The following UGT2B10 variants were observed in gnomAD, a reference collection of about 807,000 sequenced individuals.
UGT2B10 encodes UDP-glucuronosyltransferase 2B10.
Under a neutral mutation model 43.7 loss-of-function variants are expected in UGT2B10, and 51 were observed. The observed-to-expected ratio is 1.17, with a 90% CI of 0.93 to 1.47. The LOEUF is 1.47. Among genes scored for constraint, UGT2B10 ranks in the 40% most tolerant of loss-of-function variants. The probability of loss-of-function intolerance (pLI) is 0.00; values close to 1 mark genes in which losing one functional copy is unlikely to be tolerated. For missense variants in UGT2B10, 696 were observed against 617.7 expected (o/e 1.13, Z -1.34); for synonymous variants, 225 against 209.0 (o/e 1.08, Z -0.66).
chr4:68,826,317 C>T, intron 3 of UGT2B10, 93 bp from the exon 4 acceptor site: 1 of 1,338,082 alleles, frequency 7.5e-7, no homozygotes, highest in Non-Finnish European at 1.0e-6. Context: ...TTACTAACAT[C>T]CCTTGATTTC....
rs376022598 is a variant in UGT2B10 at position 68,830,905 on chromosome 4, A to G, written c.*26A>G. On this transcript the variant is annotated 3_prime_UTR_variant, in exon 6 of 6. Transcript: ENST00000265403. ...TTATATCTGAGATTTGAAGCTGGAA[A>G]ACCTGATAGATAGGAATACTTCAGT... is the stretch of plus-strand genomic sequence containing the variant. 22 of 1,606,500 alleles carry G rather than the reference A, an allele frequency of 1.4e-5. No individual in the cohort carries two copies. The highest frequency in any genetic ancestry group is 1.8e-5 in the Non-Finnish European group (21 of 1,176,390).
Position 68,827,558 on chromosome 4 carries a change from A to G in UGT2B10, c.1307+10A>G. 1.2e-6 allele frequency: 2 copies of G among 1,612,994 alleles called. No homozygotes were observed. The highest frequency in any genetic ancestry group is 1.7e-6 in the Non-Finnish European group (2 of 1,179,216). ...TAATTAATGATCCTTCGTGAGTAGA[A>G]CAATATTTTTCACTAGATGGTATTA... On this transcript the variant is annotated intron_variant, in intron 5 of 5. Coordinates refer to ENST00000265403, the MANE Select transcript of UGT2B10 (RefSeq NM_001075.6).
chr4:68,825,577 G>C (rs929287780), intron 3 of UGT2B10, among the ~76,000 whole-genome samples: 6 of 152,044 alleles, frequency 3.9e-5, no homozygotes, highest in African/African-American at 1.4e-4. Context: ...ACTCATAAGT[G>C]AGGACTTGTT....
At chr4:68,818,534 G>GT (rs1254271997) in intron 2 of UGT2B10, among the ~76,000 whole-genome samples, 1 of 151,750 alleles carries the variant, frequency 6.6e-6, no homozygotes, top group Non-Finnish European at 1.5e-5. Flanking sequence ...AATAGACACA[G>GT]TTTCTGTCCC....
Position 68,831,059 on chromosome 4 carries a change from A to C in UGT2B10, c.*180A>C. ...ATTTACCACCCAGTTAATGGTTAGA[A>C]ATATTCTGTGGCAATGAAGAAAACA... is the stretch of plus-strand genomic sequence containing the variant. On this transcript the variant is annotated 3_prime_UTR_variant, in exon 6 of 6. Coordinates refer to ENST00000265403, the MANE Select transcript of UGT2B10 (RefSeq NM_001075.6). The C allele has an allele frequency of 1.3e-6, 1 of 765,312 alleles. No individual in the cohort carries two copies. The highest frequency in any genetic ancestry group is 2.1e-6 in the Non-Finnish European group (1 of 486,704). The allele number at this position is 765,312 out of a possible 1,614,324, so 47.4% of individuals were successfully genotyped here. A position where few individuals can be genotyped will look rare whatever the true frequency, so the allele number is the denominator to read the frequency against.
chr4:68,818,026 C>T lies in UGT2B10; in HGVS notation c.719-3C>T, dbSNP rs1408672270. 1 of 1,603,778 alleles carries T rather than the reference C, an allele frequency of 6.2e-7. No homozygotes were observed. The highest frequency in any genetic ancestry group is 8.5e-7 in the Non-Finnish European group (1 of 1,176,776). On this transcript the variant is annotated splice_region_variant and splice_polypyrimidine_tract_variant and intron_variant, in intron 1 of 5. Transcript: ENST00000265403. ...CACTTCTTCTTTTCTTTATTCCTAT[C>T]AGGAAGACCCACTACATTATCTGAG...
chr4:68,816,513 T>A lies in UGT2B10; in HGVS notation c.494T>A (p.Ile165Lys). Residue 165 changes from isoleucine (I) to lysine (K), a missense_variant, in exon 1 of 6, where the codon ATA (isoleucine) becomes AAA (lysine). By Grantham distance (102) the Ile-to-Lys change is moderately radical. Transcript: ENST00000265403. ...GAGCTGCTGGCTGAGCTATTTAACA[T>A]ACCCTTTGTGTACAGTCACAGCTTC... is the stretch of plus-strand genomic sequence containing the variant. ...CGELLAELFN[I>K]PFVYSHSFSP... The A allele has an allele frequency of 6.2e-7, 1 of 1,613,222 alleles. No homozygotes were observed.
intron 2 of UGT2B10, among the ~76,000 whole-genome samples, chr4:68,818,975 A>G (rs1737362027): frequency 6.6e-6 from 1 of 151,922 alleles, no homozygotes; most frequent in South Asian, 2.1e-4. Flanking sequence ...TCAATGGATT[A>G]AATTGCAGAA....
At chr4:68,829,176 C>T (rs1238195557) in intron 5 of UGT2B10, among the ~76,000 whole-genome samples, 3 of 151,954 alleles carry the variant, frequency 2.0e-5, no homozygotes, top group Non-Finnish European at 2.9e-5. Context: ...CAACAAAATA[C>T]TACACAGCAA....
At position 68,827,687 on chromosome 4, in the gene UGT2B10, T is replaced by G. The variant is rs191065529; in HGVS notation, c.1307+139T>G. 3.1e-4 allele frequency: 432 copies of G among 1,394,924 alleles called. 1 individual carries two copies. Among genetic ancestry groups the G allele is most frequent in the Non-Finnish European group, 4.0e-4 (415 of 1,047,498 alleles). 86.4% of individuals were successfully genotyped at this position (1,394,924 alleles called of 1,614,324 possible). On this transcript the variant is annotated intron_variant, in intron 5 of 5. Transcript: ENST00000265403. ...ATTTAACCAATCCGAAATCTGCTTT[T>G]ACTTTTTATCTGTTATTTAAAAATT... is the stretch of plus-strand genomic sequence containing the variant.
chr4:68,820,515 G>A (rs1737439207), intron 2 of UGT2B10, among the ~76,000 whole-genome samples: 1 of 151,890 alleles, frequency 6.6e-6, no homozygotes, highest in African/African-American at 2.4e-5. Flanking sequence ...AATCCAACAT[G>A]TTACATGAAA....
intron 2 of UGT2B10, among the ~76,000 whole-genome samples, chr4:68,820,530 G>A (rs1417174146): frequency 6.6e-6 from 1 of 151,934 alleles, no homozygotes. Flanking sequence ...ATGAAATAAT[G>A]ATTAGAAACA....
chr4:68,816,683 T>C lies in UGT2B10; in HGVS notation c.664T>C (p.Trp222Arg). ...GCTCTATGTGCTTTATTTTGACTTT[T>C]GGTTCCAAATATTTAATATGAAGAA... Reference protein sequence around the residue: ...NMLYVLYFDFWFQIFNMKKWD... With the variant: ...NMLYVLYFDFRFQIFNMKKWD... The change falls in exon 1 of 6, where the codon TGG (tryptophan) becomes CGG (arginine). Residue 222 changes from tryptophan (W) to arginine (R), a missense_variant. Trp to Arg is a moderately radical substitution (Grantham distance 101). Transcript: ENST00000265403. The C allele has an allele frequency of 6.2e-7, 1 of 1,611,712 alleles. No individual in the cohort carries two copies. Among genetic ancestry groups the C allele is most frequent in the East Asian group, 2.2e-5 (1 of 44,758 alleles).
In UGT2B10 at chr4:68,826,345, A is replaced by C. The variant is rs912792047; in HGVS notation, c.1000-65A>C. 24 of 1,507,200 alleles carry C rather than the reference A, an allele frequency of 1.6e-5. No homozygotes were observed. In the South Asian group the frequency reaches 2.5e-4, roughly 16 times the overall value. The allele number at this position is 1,507,200 out of a possible 1,614,324, so 93.4% of individuals were successfully genotyped here. ...TTGATTTCATTTCTACTCTTTTTAC[A>C]GTTCTAACATTTTATAACTTTTGAG... is the stretch of plus-strand genomic sequence containing the variant. On this transcript the variant is annotated intron_variant, in intron 3 of 5. Transcript: ENST00000265403.
At chr4:68,820,525 A>G (rs530899509) in intron 2 of UGT2B10, among the ~76,000 whole-genome samples, 7 of 152,176 alleles carry the variant, frequency 4.6e-5, no homozygotes, top group African/African-American at 1.7e-4. Flanking sequence ...GTTACATGAA[A>G]TAATGATTAG....
intron 3 of UGT2B10, among the ~76,000 whole-genome samples, chr4:68,824,418 A>G (rs918225060): frequency 1.3e-4 from 20 of 152,278 alleles, no homozygotes; most frequent in African/African-American, 4.3e-4. Context: ...ACCCCTCCCA[A>G]TGGACGCAGC....
At position 68,826,514 on chromosome 4, in the gene UGT2B10, C is replaced by CA. The variant is rs751398431; in HGVS notation, c.1087+19dup. ...ACCTTCTAGGTAACACTCTGGTGAA[C>CA]AATACTGGATATATTAGTAACTGCA... On this transcript the variant is annotated intron_variant, in intron 4 of 5. Coordinates refer to ENST00000265403, the MANE Select transcript of UGT2B10 (RefSeq NM_001075.6). 1.0e-5 allele frequency: 16 copies of CA among 1,606,596 alleles called. No individual in the cohort carries two copies. The highest frequency in any genetic ancestry group is 5.4e-5 in the African/African-American group (4 of 74,546).
intron 1 of UGT2B10, 46 bp downstream of exon 1, chr4:68,816,783 G>C: frequency 1.4e-6 from 2 of 1,459,314 alleles, no homozygotes; most frequent in Non-Finnish European, 1.8e-6. Flanking sequence ...ACTTATTTGT[G>C]TCTTTGAAGC....
chr4:68,831,614 G>T lies in UGT2B10; in HGVS notation c.*735G>T, dbSNP rs1032619241. On this transcript the variant is annotated 3_prime_UTR_variant, in exon 6 of 6. Transcript: ENST00000265403. Reference sequence around the variant, plus strand: ...CAGCCCACAAGAAGAATCACTTAATGCTCTGAAAATTACCAGTAAACTGAT... The same window carrying T: ...CAGCCCACAAGAAGAATCACTTAATTCTCTGAAAATTACCAGTAAACTGAT... Among the ~76,000 whole-genome samples, 1 of 152,200 alleles carries T rather than the reference G, an allele frequency of 6.6e-6. No homozygotes were observed. Among genetic ancestry groups the T allele is most frequent in the South Asian group, 2.1e-4 (1 of 4,824 alleles).
Sources: gnomAD v4.1 joint callset for allele counts (sites outside exome capture counted in the v4.1 genomes callset) on GRCh38, gnomAD v4.1.1 for gene constraint, MANE v1.5 for transcripts, NCBI Gene and HGNC (gene_info 2026-07-23, HGNC 2026-07-21) for gene names.